ABLIM1: variants seen among roughly 807,000 people sequenced by gnomAD.
ABLIM1 encodes actin binding LIM protein 1.
Under a neutral mutation model 107.0 loss-of-function variants are expected in ABLIM1, and 40 were observed. That is an observed-to-expected ratio of 0.37 (90% CI 0.29 to 0.49). The LOEUF (loss-of-function observed/expected upper bound fraction) is 0.49, where lower values mean the gene tolerates loss of function less well. Among genes scored for constraint, ABLIM1 ranks in the 20% least tolerant of loss-of-function variants. The probability of loss-of-function intolerance (pLI) is 0.97; values close to 1 mark genes in which losing one functional copy is unlikely to be tolerated. For missense variants in ABLIM1, 857 were observed against 1,008.5 expected, an observed-to-expected ratio of 0.85 and a Z score of 2.04; for synonymous variants, 357 against 357.3, an observed-to-expected ratio of 1.00 and a Z score of 0.01.
chr10:114,551,758 A>G (rs1234498292), intron 4 of ABLIM1, among the ~76,000 whole-genome samples: 1 of 152,182 alleles, frequency 6.6e-6, no homozygotes, highest in Non-Finnish European at 1.5e-5. Context: ...AGGGCTTTCT[A>G]GAATCAGGTA....
chr10:114,710,890 G>A (rs719895), intron 1 of ABLIM1, among the ~76,000 whole-genome samples: 87,800 of 152,160 alleles, frequency 0.58, 25,725 homozygotes, highest in South Asian at 0.65. Flanking sequence ...TGTTCCATTC[G>A]ATCAGTAGAA....
chr10:114,755,573 T>C (rs1478844716), intron 1 of ABLIM1, among the ~76,000 whole-genome samples: 2 of 152,248 alleles, frequency 1.3e-5, no homozygotes, highest in Non-Finnish European at 2.9e-5. Context: ...TACGCGTTTG[T>C]GGCATGAATG....
At chr10:114,794,691 G>A in the ABLIM1 span, among the ~76,000 whole-genome samples, 1 of 152,118 alleles carries the variant, frequency 6.6e-6, no homozygotes, top group African/African-American at 2.4e-5. Flanking sequence ...ATATAAAATA[G>A]TACTTTATCT....
At chr10:114,716,311 T>C (rs1346392310) in intron 1 of ABLIM1, among the ~76,000 whole-genome samples, 1 of 152,164 alleles carries the variant, frequency 6.6e-6, no homozygotes, top group Non-Finnish European at 1.5e-5. Context: ...TCTGCAGCTC[T>C]GGTTGCCACT....
chr10:114,514,261 C>T (rs1371499545), intron 6 of ABLIM1, among the ~76,000 whole-genome samples: 1 of 149,860 alleles, frequency 6.7e-6, no homozygotes, highest in Admixed American at 6.6e-5. Flanking sequence ...GATCGCACCA[C>T]TGCACTCCAG....
chr10:114,784,349 A>AAAAGAAAGAAAGAAAG, the ABLIM1 span, among the ~76,000 whole-genome samples: 20 of 131,942 alleles, frequency 1.5e-4, 1 homozygote, highest in African/African-American at 5.8e-4. Flanking sequence ...CTGTCTCAAA[A>AAAAGAAAGAAAGAAAG]AAAGAAAGAA....
At chr10:114,564,243 G>C (rs1453457857) in intron 4 of ABLIM1, among the ~76,000 whole-genome samples, 1 of 151,560 alleles carries the variant, frequency 6.6e-6, no homozygotes, top group Non-Finnish European at 1.5e-5. Flanking sequence ...CCTTTGTTCT[G>C]GGTGGGTTTC....
intron 1 of ABLIM1, among the ~76,000 whole-genome samples, chr10:114,757,497 C>A (rs778961466): frequency 4.6e-5 from 7 of 152,200 alleles, no homozygotes; most frequent in Non-Finnish European, 1.0e-4. Flanking sequence ...AAATGACATG[C>A]TATCCTCCCA....
the ABLIM1 span, among the ~76,000 whole-genome samples, chr10:114,777,628 A>G: frequency 6.6e-6 from 1 of 152,222 alleles, no homozygotes; most frequent in Admixed American, 6.5e-5. Context: ...TCTCTGGCCA[A>G]GTCTCCCAGC....
chr10:114,473,330 T>C (rs1408656921), intron 9 of ABLIM1, among the ~76,000 whole-genome samples, 198 bp from the exon 10 acceptor site: 1 of 152,216 alleles, frequency 6.6e-6, no homozygotes, highest in Non-Finnish European at 1.5e-5. Flanking sequence ...AAAAAGTCAC[T>C]GAACGCTTAG....
intron 6 of ABLIM1, among the ~76,000 whole-genome samples, chr10:114,494,491 T>C (rs990321654): frequency 5.3e-5 from 8 of 152,144 alleles, no homozygotes; most frequent in African/African-American, 1.9e-4. Flanking sequence ...GCTGAGATCA[T>C]GCCACTGCAC....
chr10:114,452,226 A>G lies in ABLIM1; in HGVS notation c.1547-555T>C, dbSNP rs527249554. Among the ~76,000 whole-genome samples the G allele has an allele frequency of 2.6e-5, 4 of 152,204 alleles. No individual in the cohort carries two copies. The South Asian group carries it at 8.3e-4, about 32-fold the overall frequency. ...CAACAAATCCTAATTTATACAGGCC[A>G]AATTTTTTAAAAAAAGAATGAATGA... On this transcript the variant is annotated intron_variant, in intron 13 of 22. Transcript: ENST00000533213.
chr10:114,797,084 A>G, the ABLIM1 span, among the ~76,000 whole-genome samples: 3 of 152,124 alleles, frequency 2.0e-5, no homozygotes, highest in South Asian at 2.1e-4. Context: ...TCACTCTCTC[A>G]CCGTAACTTC....
intron 4 of ABLIM1, among the ~76,000 whole-genome samples, chr10:114,551,590 A>C (rs1427543912): frequency 2.0e-5 from 3 of 152,234 alleles, no homozygotes; most frequent in African/African-American, 7.2e-5. Context: ...CTTGACCTGC[A>C]AACAATCAGA....
At chr10:114,776,756 A>T in the ABLIM1 span, among the ~76,000 whole-genome samples, 1 of 152,182 alleles carries the variant, frequency 6.6e-6, no homozygotes, top group Non-Finnish European at 1.5e-5. Flanking sequence ...TTGGACTACA[A>T]GAATGCCAGC....
chr10:114,687,483 A>C (rs1006252238), upstream of ABLIM1, among the ~76,000 whole-genome samples: 1 of 152,256 alleles, frequency 6.6e-6, no homozygotes, highest in Non-Finnish European at 1.5e-5. Context: ...TGGCTACAAT[A>C]GGCCAACATG....
intron 5 of ABLIM1, among the ~76,000 whole-genome samples, chr10:114,545,434 TACTGAGCCC>T (rs1031556310): frequency 2.0e-5 from 3 of 151,974 alleles, no homozygotes; most frequent in African/African-American, 4.8e-5. Context: ...CACGTAGGAG[TACTGAGCCC>T]ACTGAGCCCA....
intron 6 of ABLIM1, among the ~76,000 whole-genome samples, chr10:114,509,685 T>C (rs1451205767): frequency 6.6e-6 from 1 of 152,242 alleles, no homozygotes; most frequent in Non-Finnish European, 1.5e-5. Context: ...GGTCTCAATC[T>C]ACCTGTCCAG....
At chr10:114,749,572 T>C (rs1258555512) in intron 1 of ABLIM1, among the ~76,000 whole-genome samples, 1 of 151,958 alleles carries the variant, frequency 6.6e-6, no homozygotes, top group Non-Finnish European at 1.5e-5. Context: ...TTTAAGGAGA[T>C]ACTCTCTTCA....
Sources: allele counts gnomAD v4.1 joint callset (sites outside exome capture counted in the v4.1 genomes callset), GRCh38; gene constraint gnomAD v4.1.1; transcripts MANE v1.5; gene names NCBI Gene and HGNC (gene_info 2026-07-23, HGNC 2026-07-21).